The following DNM3 variants were observed in gnomAD, a reference collection of about 807,000 sequenced individuals.
The protein encoded by DNM3 is dynamin-3.
Under a neutral mutation model 101.6 loss-of-function variants are expected in DNM3, and 47 were observed. The observed-to-expected ratio is 0.46, with a 90% CI of 0.37 to 0.59. DNM3 has a LOEUF of 0.59. Among genes scored for constraint, DNM3 ranks in the 20% least tolerant of loss-of-function variants. The pLI is 0.00. For synonymous variants in DNM3, 385 were observed against 387.9 expected (o/e 0.99, Z 0.09); for missense variants, 849 against 1,085.7 (o/e 0.78, Z 3.06).
At chr1:172,068,679 C>T (rs2051900570) in intron 10 of DNM3, 140 bp from the exon 11 acceptor site, 2 of 688,714 alleles carry the variant, frequency 2.9e-6, no homozygotes, top group Non-Finnish European at 2.5e-6. Context: ...TGACATCCTT[C>T]TTTAGGAGTT....
chr1:171,860,031 A>G (rs1266739907), intron 1 of DNM3, among the ~76,000 whole-genome samples: 2 of 152,120 alleles, frequency 1.3e-5, no homozygotes, highest in Non-Finnish European at 2.9e-5. Context: ...TTGTTGCCAA[A>G]AATAGATTTT....
chr1:171,943,936 T>G (rs1045927598), intron 2 of DNM3, among the ~76,000 whole-genome samples: 1 of 152,206 alleles, frequency 6.6e-6, no homozygotes, highest in South Asian at 2.1e-4. Context: ...CCCCTATGAA[T>G]GTATTATTGA....
At chr1:172,276,959 CA>C (rs1557919733) in intron 15 of DNM3, among the ~76,000 whole-genome samples, 1 of 151,556 alleles carries the variant, frequency 6.6e-6, no homozygotes, top group Non-Finnish European at 1.5e-5. Flanking sequence ...TGGTGGAATT[CA>C]AAAAAAGTTC....
chr1:171,906,022 C>T (rs1329071609), intron 1 of DNM3, among the ~76,000 whole-genome samples: 1 of 152,062 alleles, frequency 6.6e-6, no homozygotes, highest in Non-Finnish European at 1.5e-5. Flanking sequence ...ATTGTTTAGC[C>T]TCTTCACATG....
At chr1:171,956,550 G>T (rs1490787359) in intron 2 of DNM3, among the ~76,000 whole-genome samples, 1 of 152,146 alleles carries the variant, frequency 6.6e-6, no homozygotes, top group Non-Finnish European at 1.5e-5. Flanking sequence ...GGCTGGCATT[G>T]GGTGTCTGTG....
At chr1:172,163,954 T>C (rs866374399) in intron 14 of DNM3, among the ~76,000 whole-genome samples, 36 of 112,232 alleles carry the variant, frequency 3.2e-4, no homozygotes, top group Non-Finnish European at 3.5e-4. Context: ...CATACATATA[T>C]ATACACACAC....
intron 17 of DNM3, chr1:172,378,118 C>T (rs947003685): frequency 2.0e-5 from 3 of 152,024 alleles, no homozygotes; most frequent in Admixed American, 2.0e-4. Context: ...AGCCAGACCA[C>T]TAACAATAAT....
chr1:171,875,813 CTT>C (rs60523795), intron 1 of DNM3, among the ~76,000 whole-genome samples: 8 of 104,668 alleles, frequency 7.6e-5, no homozygotes, highest in African/African-American at 1.7e-4. Context: ...AGTTGTCTCT[CTT>C]TTTTTTTTTT....
intron 13 of DNM3, among the ~76,000 whole-genome samples, chr1:172,115,945 G>T (rs374312648): frequency 6.6e-6 from 1 of 151,976 alleles, no homozygotes; most frequent in Non-Finnish European, 1.5e-5. Flanking sequence ...GGAGAATATA[G>T]GTTCTAGTGC....
intron 15 of DNM3, among the ~76,000 whole-genome samples, chr1:172,297,405 C>A (rs192984185): frequency 6.6e-6 from 1 of 152,146 alleles, no homozygotes; most frequent in East Asian, 1.9e-4. Context: ...CCATTTCCCC[C>A]CTTAATTAGG....
intron 14 of DNM3, among the ~76,000 whole-genome samples, chr1:172,201,829 AG>A (rs1196061906): frequency 3.3e-5 from 5 of 152,140 alleles, no homozygotes; most frequent in Non-Finnish European, 5.9e-5. Flanking sequence ...GGACCTGTCT[AG>A]TGAGGAGATA....
At chr1:172,342,902 A>T (rs2066754485) in intron 17 of DNM3, among the ~76,000 whole-genome samples, 2 of 151,744 alleles carry the variant, frequency 1.3e-5, no homozygotes, top group South Asian at 4.2e-4. Flanking sequence ...TTTTTGAGGG[A>T]TCCTAAGAGA....
At chr1:172,287,764 A>T (rs1156808728) in intron 15 of DNM3, among the ~76,000 whole-genome samples, 5 of 149,634 alleles carry the variant, frequency 3.3e-5, no homozygotes, top group African/African-American at 1.2e-4. Context: ...TAAGGAAAAA[A>T]GTATTTATAA....
Position 172,408,735 on chromosome 1 carries a change from T to C in DNM3, c.*894T>C. ...TTGATACTAACTCCAGTTTTACTAT[T>C]ATTATTTTGGTTGGAAAAAAAATTC... On this transcript the variant is annotated 3_prime_UTR_variant, in exon 21 of 21. Transcript: ENST00000627582. 1.0e-6 allele frequency: 1 copy of C among 984,962 alleles called. No individual in the cohort carries two copies. The highest frequency in any genetic ancestry group is 1.2e-6 in the Non-Finnish European group (1 of 829,502). The allele number at this position is 984,962 out of a possible 1,614,324, so 61.0% of individuals were successfully genotyped here. A position where few individuals can be genotyped will look rare whatever the true frequency, so the allele number is the denominator to read the frequency against.
intron 14 of DNM3, among the ~76,000 whole-genome samples, chr1:172,213,900 C>T (rs1045658376): frequency 3.3e-5 from 5 of 151,238 alleles, no homozygotes; most frequent in Admixed American, 1.3e-4. Context: ...CACATTTTAA[C>T]AATTTTTAAA....
Position 172,379,101 on chromosome 1 carries a change from C to A in DNM3, c.1977C>A (p.Leu659=). 6.2e-7 allele frequency: 1 copy of A among 1,612,224 alleles called. No homozygotes were observed. Among genetic ancestry groups the A allele is most frequent in the Non-Finnish European group, 8.5e-7 (1 of 1,178,922 alleles). The change falls in exon 18 of 21, where the codon CTC becomes CTA. Residue 659 remains leucine (L), a synonymous_variant. Coordinates refer to ENST00000627582, the MANE Select transcript of DNM3 (RefSeq NM_015569.5). ...GGCAAGTGGAGACCATTCGCAACCT[C>A]GTAGACTCCTACATGTCCATTATCA... ...LERQVETIRN[L]VDSYMSIINK...
intron 20 of DNM3, among the ~76,000 whole-genome samples, chr1:172,400,418 A>T (rs536286907): frequency 6.6e-6 from 1 of 151,298 alleles, no homozygotes; most frequent in African/African-American, 2.4e-5. Flanking sequence ...GGAAGAAAGG[A>T]GGGAAGGAGG....
intron 13 of DNM3, among the ~76,000 whole-genome samples, chr1:172,124,990 G>A (rs16843885): frequency 0.037 from 5,649 of 152,210 alleles, 179 homozygotes; most frequent in East Asian, 0.19. Flanking sequence ...GCCTGTGCTC[G>A]CAAAGGTAGA....
rs1425272047 is a variant in DNM3 at position 171,841,564 on chromosome 1, CGCA to C, written c.-81_-79del. ...CCAGGACCTGGCTGGCTGAGCCCGG[CGCA>C]GCAGCAGCAGCCAGGGCAGCGCGGC... On this transcript the variant is annotated 5_prime_UTR_variant, in exon 1 of 21. Transcript: ENST00000627582. 1.3e-5 allele frequency: 19 copies of C among 1,475,690 alleles called. No homozygotes were observed. The East Asian group carries it at 1.3e-4, about 10-fold the overall frequency. 91.4% of individuals were successfully genotyped at this position (1,475,690 alleles called of 1,614,324 possible).
Sources: allele counts gnomAD v4.1 joint callset (sites outside exome capture counted in the v4.1 genomes callset), GRCh38; gene constraint gnomAD v4.1.1; transcripts MANE v1.5; gene names NCBI Gene and HGNC (gene_info 2026-07-23, HGNC 2026-07-21).